CCSER1: variants seen among roughly 807,000 people sequenced by gnomAD.
CCSER1 encodes the protein serine-rich coiled-coil domain-containing protein 1.
Under a neutral mutation model 82.0 loss-of-function variants are expected in CCSER1, and 41 were observed. The observed-to-expected ratio is 0.50, with a 90% confidence interval of 0.39 to 0.65. CCSER1 has a LOEUF of 0.65. Among genes scored for constraint, CCSER1 ranks in the 30% least tolerant of loss-of-function variants. The pLI is 0.00. For missense variants in CCSER1, 1,119 were observed against 1,064.2 expected (o/e 1.05, Z -0.72); for synonymous variants, 414 against 383.9 (o/e 1.08, Z -0.92).
At chr4:90,395,408 T>A (rs1751807063) in intron 3 of CCSER1, among the ~76,000 whole-genome samples, 1 of 152,228 alleles carries the variant, frequency 6.6e-6, no homozygotes, top group African/African-American at 2.4e-5. Flanking sequence ...TTTGCAGATG[T>A]AGCATTTATA....
intron 8 of CCSER1, among the ~76,000 whole-genome samples, chr4:90,829,088 A>T (rs1760823055): frequency 6.6e-6 from 1 of 152,166 alleles, no homozygotes; most frequent in Non-Finnish European, 1.5e-5. Flanking sequence ...TGATCCAAAG[A>T]CAAGTAGTCA....
intron 9 of CCSER1, among the ~76,000 whole-genome samples, chr4:91,074,020 GT>G (rs1394894541): frequency 6.6e-6 from 1 of 152,144 alleles, no homozygotes; most frequent in Non-Finnish European, 1.5e-5. Context: ...AAATGTGGCA[GT>G]GAAAAGCAAG....
intron 10 of CCSER1, among the ~76,000 whole-genome samples, chr4:91,204,473 T>A (rs1352037549): frequency 6.6e-6 from 1 of 151,886 alleles, no homozygotes; most frequent in Admixed American, 6.6e-5. Flanking sequence ...CCCCAAAATA[T>A]GTATGTATTT....
chr4:90,887,788 A>G (rs1421721508), intron 8 of CCSER1, among the ~76,000 whole-genome samples: 1 of 152,140 alleles, frequency 6.6e-6, no homozygotes, highest in Non-Finnish European at 1.5e-5. Context: ...AGGCTGAGGC[A>G]GGAGAATTGC....
intron 5 of CCSER1, among the ~76,000 whole-genome samples, chr4:90,532,398 T>G (rs1204284731): frequency 6.6e-6 from 1 of 152,040 alleles, no homozygotes; most frequent in Non-Finnish European, 1.5e-5. Context: ...TTTTCCTCTC[T>G]CTTCTGCTTG....
At chr4:91,318,981 C>G (rs1053404095) in intron 10 of CCSER1, 7 of 163,350 alleles carry the variant, frequency 4.3e-5, no homozygotes, top group Non-Finnish European at 8.2e-5. Context: ...AGGGAGTATG[C>G]CACACAGGTA....
chr4:90,765,492 A>C (rs1236778421), intron 7 of CCSER1, among the ~76,000 whole-genome samples: 1 of 152,174 alleles, frequency 6.6e-6, no homozygotes, highest in Non-Finnish European at 1.5e-5. Flanking sequence ...CAATTAAGAA[A>C]TAACATAAAA....
chr4:90,737,662 G>T (rs1745884078), intron 7 of CCSER1, among the ~76,000 whole-genome samples: 1 of 151,974 alleles, frequency 6.6e-6, no homozygotes. Context: ...CTTTGTCTAG[G>T]TTTGGGAAGT....
intron 6 of CCSER1, among the ~76,000 whole-genome samples, chr4:90,697,865 A>C (rs1219742276): frequency 1.3e-5 from 2 of 152,194 alleles, no homozygotes; most frequent in African/African-American, 2.4e-5. Flanking sequence ...TCCAGAAAGG[A>C]TATAAGACAG....
chr4:90,479,473 C>T (rs1765587461), intron 5 of CCSER1, among the ~76,000 whole-genome samples: 1 of 152,080 alleles, frequency 6.6e-6, no homozygotes, highest in African/African-American at 2.4e-5. Flanking sequence ...GTGTGCTGCA[C>T]CCATTAACTC....
At chr4:90,143,531 G>A (rs1725220923) in intron 1 of CCSER1, among the ~76,000 whole-genome samples, 1 of 95,714 alleles carries the variant, frequency 1.0e-5, no homozygotes, top group Non-Finnish European at 2.5e-5. Flanking sequence ...CACACACCAG[G>A]TATTAATATA....
At chr4:90,586,882 A>G (rs1579313846) in intron 5 of CCSER1, among the ~76,000 whole-genome samples, 1 of 152,220 alleles carries the variant, frequency 6.6e-6, no homozygotes. Context: ...TCTCTTCTCT[A>G]ACTGTGAATA....
intron 10 of CCSER1, among the ~76,000 whole-genome samples, chr4:91,110,846 T>C (rs1169524570): frequency 2.0e-5 from 3 of 150,798 alleles, no homozygotes; most frequent in Admixed American, 6.7e-5. Context: ...TTCATTCTTC[T>C]TTTTTTTCCT....
intron 1 of CCSER1, among the ~76,000 whole-genome samples, chr4:90,284,583 T>C (rs1174869494): frequency 6.6e-6 from 1 of 151,374 alleles, no homozygotes; most frequent in Non-Finnish European, 1.5e-5. Context: ...AACCTCAGCC[T>C]CCTGGGCTTA....
At chr4:90,764,146 A>G (rs2149531051) in intron 7 of CCSER1, among the ~76,000 whole-genome samples, 1 of 152,274 alleles carries the variant, frequency 6.6e-6, no homozygotes, top group Middle Eastern at 3.4e-3. Flanking sequence ...CTGAACACCC[A>G]ATATACTTCT....
chr4:91,056,814 T>C (rs1254088596), intron 9 of CCSER1, among the ~76,000 whole-genome samples: 3 of 152,222 alleles, frequency 2.0e-5, no homozygotes. Context: ...AAAACCTTTT[T>C]AGATTTCTTC....
chr4:90,948,189 GT>G, intron 9 of CCSER1, among the ~76,000 whole-genome samples: 1 of 151,604 alleles, frequency 6.6e-6, no homozygotes. Context: ...GATTCAAATG[GT>G]TTTCATTGTA....
At position 90,666,954 on chromosome 4, in the gene CCSER1, C is replaced by A. The variant is rs1731903552; in HGVS notation, c.1932+38722C>A. Among the ~76,000 whole-genome samples the A allele has an allele frequency of 2.0e-5, 3 of 152,116 alleles. No individual in the cohort carries two copies. In the South Asian group the frequency reaches 6.2e-4, roughly 32 times the overall value. The stretch of plus-strand genomic sequence containing the variant: ...TATGGATTTACAAAGAAAATAATAA[C>A]TCTAATAATCTCTTGGAAATGGATA... On this transcript the variant is annotated intron_variant, in intron 6 of 10. Coordinates refer to ENST00000509176, the MANE Select transcript of CCSER1 (RefSeq NM_001145065.2).
At chr4:91,355,617 A>C (rs1420343447) in intron 10 of CCSER1, among the ~76,000 whole-genome samples, 1 of 152,152 alleles carries the variant, frequency 6.6e-6, no homozygotes, top group Non-Finnish European at 1.5e-5. Flanking sequence ...AGGTTAGTTG[A>C]CGTCCTTACT....
Sources: gnomAD v4.1 joint callset for allele counts (sites outside exome capture counted in the v4.1 genomes callset) on GRCh38, gnomAD v4.1.1 for gene constraint, MANE v1.5 for transcripts, NCBI Gene and HGNC (gene_info 2026-07-23, HGNC 2026-07-21) for gene names.